DAP: variants seen among roughly 807,000 people sequenced by gnomAD.
The protein encoded by DAP is death associated protein.
DAP carries 8 observed loss-of-function variants against 13.8 expected under a neutral mutation model. The ratio of observed to expected loss-of-function variants is 0.58; its 90% CI spans 0.34 to 1.05. The LOEUF (loss-of-function observed/expected upper bound fraction) is 1.05, where lower values mean the gene tolerates loss of function less well. Ranked by LOEUF, DAP falls within the 50% of genes least tolerant of loss-of-function variation. The probability of loss-of-function intolerance (pLI) is 0.03; values close to 1 mark genes in which losing one functional copy is unlikely to be tolerated. For synonymous variants in DAP, 47 were observed against 47.5 expected (o/e 0.99, Z 0.04); for missense variants, 106 against 133.2 (o/e 0.80, Z 1.01).
chr5:10,694,737 C>G (rs149615681), intron 2 of DAP, among the ~76,000 whole-genome samples: 2 of 152,154 alleles, frequency 1.3e-5, no homozygotes. Flanking sequence ...TCTGCCCATA[C>G]AAAGTGAATG....
At chr5:10,759,722 A>G (rs1221865034) in intron 1 of DAP, among the ~76,000 whole-genome samples, 1 of 149,374 alleles carries the variant, frequency 6.7e-6, no homozygotes, top group Non-Finnish European at 1.5e-5. Flanking sequence ...AGCGGAGGAC[A>G]GCAGAGAAGG....
chr5:10,756,778 G>A (rs771131333), intron 1 of DAP, among the ~76,000 whole-genome samples: 23 of 152,228 alleles, frequency 1.5e-4, no homozygotes, highest in Non-Finnish European at 2.8e-4. Flanking sequence ...AAGACTGGCA[G>A]AAATGAGTAA....
At chr5:10,732,983 C>G (rs1156958285) in intron 2 of DAP, among the ~76,000 whole-genome samples, 6 of 152,124 alleles carry the variant, frequency 3.9e-5, no homozygotes, top group African/African-American at 1.2e-4. Context: ...CTGGTAAGCA[C>G]CATTCTAACT....
chr5:10,755,857 G>C (rs1406089802), intron 1 of DAP, among the ~76,000 whole-genome samples: 2 of 152,208 alleles, frequency 1.3e-5, no homozygotes, highest in East Asian at 1.9e-4. Context: ...ACCAAAAATG[G>C]CTAGGGAAGG....
intron 2 of DAP, among the ~76,000 whole-genome samples, chr5:10,731,743 T>C (rs920820884): frequency 2.6e-5 from 4 of 152,192 alleles, no homozygotes; most frequent in African/African-American, 9.7e-5. Context: ...GCTAGGGGGC[T>C]TCTGGCGAAG....
At chr5:10,737,219 G>A (rs1739633315) in intron 2 of DAP, among the ~76,000 whole-genome samples, 1 of 152,002 alleles carries the variant, frequency 6.6e-6, no homozygotes, top group African/African-American at 2.4e-5. Context: ...GTGGCATGTA[G>A]CCTGTAATCC....
chr5:10,756,180 C>T lies in DAP; in HGVS notation c.55+4834G>A, dbSNP rs560469264. On this transcript the variant is annotated intron_variant, in intron 1 of 3. Coordinates refer to ENST00000230895, the MANE Select transcript of DAP (RefSeq NM_004394.3). Reference sequence around the variant, plus strand: ...AAAAGGCTAGGGAAGAGGTGAAATGCCATGGGCCACCTTGACAGAAGGCTT... The same window carrying T: ...AAAAGGCTAGGGAAGAGGTGAAATGTCATGGGCCACCTTGACAGAAGGCTT... Among the ~76,000 whole-genome samples the T allele has an allele frequency of 4.7e-4, 57 of 120,354 alleles. 10 individuals carry two copies. The highest frequency in any genetic ancestry group is 4.5e-3 in the Middle Eastern group (1 of 222). 79.0% of individuals were successfully genotyped at this position (120,354 alleles called of 152,430 possible).
intron 2 of DAP, among the ~76,000 whole-genome samples, chr5:10,745,492 T>C (rs1739876680): frequency 6.6e-6 from 1 of 152,322 alleles, no homozygotes; most frequent in South Asian, 2.1e-4. Flanking sequence ...AACAAATCTT[T>C]AAGGTAAATA....
In DAP at chr5:10,758,344, T is replaced by TTGAGGGGTGCTGTTGGCATC. The variant is rs1410960810; in HGVS notation, c.55+2650_55+2669dup. On this transcript the variant is annotated intron_variant, in intron 1 of 3. Coordinates refer to ENST00000230895, the MANE Select transcript of DAP (RefSeq NM_004394.3). The stretch of plus-strand genomic sequence containing the variant: ...CTCTGTAACATCTAGGAAAGCGCAT[T>TTGAGGGGTGCTGTTGGCATC]TGAGGGGTGCTGTTGGCATCTGAGG... Among the ~76,000 whole-genome samples, 243 of 151,070 alleles carry TTGAGGGGTGCTGTTGGCATC rather than the reference T, an allele frequency of 1.6e-3. 2 individuals carry two copies. Among genetic ancestry groups the TTGAGGGGTGCTGTTGGCATC allele is most frequent in the African/African-American group, 5.5e-3 (226 of 40,776 alleles).
intron 2 of DAP, among the ~76,000 whole-genome samples, chr5:10,743,561 A>G (rs1322892698): frequency 6.6e-6 from 1 of 152,112 alleles, no homozygotes; most frequent in Non-Finnish European, 1.5e-5. Context: ...TTCCTTTTTA[A>G]TATCTTGTAC....
intron 2 of DAP, among the ~76,000 whole-genome samples, chr5:10,727,109 C>T (rs75620746): frequency 0.059 from 9,051 of 152,234 alleles, 305 homozygotes; most frequent in South Asian, 0.081. Flanking sequence ...TCTCCTTATA[C>T]GAACATTATT....
At chr5:10,730,739 T>C (rs1315631021) in intron 2 of DAP, among the ~76,000 whole-genome samples, 3 of 51,640 alleles carry the variant, frequency 5.8e-5, no homozygotes, top group African/African-American at 7.7e-5. Context: ...CTGAGAGCCC[T>C]GGTGGGGGGA....
Position 10,739,784 on chromosome 5 carries a change from A to ACACAC in DAP, c.152+8390_152+8391insGTGTG, listed in dbSNP as rs1561029940. Among the ~76,000 whole-genome samples, 416 of 76,142 alleles carry ACACAC rather than the reference A, an allele frequency of 5.5e-3. 1 individual carries two copies. Among genetic ancestry groups the ACACAC allele is most frequent in the African/African-American group, 0.023 (375 of 16,386 alleles). 50.0% of individuals were successfully genotyped at this position (76,142 alleles called of 152,430 possible). A position where few individuals can be genotyped will look rare whatever the true frequency, so the allele number is the denominator to read the frequency against. On this transcript the variant is annotated intron_variant, in intron 2 of 3. Coordinates refer to ENST00000230895, the MANE Select transcript of DAP (RefSeq NM_004394.3). ...CCGGTTCAACTATAAATACTAAATT[A>ACACAC]ACTCACACACACACACACACACACA...
intron 2 of DAP, among the ~76,000 whole-genome samples, chr5:10,730,468 T>C (rs1739415778): frequency 6.7e-6 from 1 of 149,748 alleles, no homozygotes; most frequent in Admixed American, 6.6e-5. Flanking sequence ...TTTTCTCTAC[T>C]GAGAACCCTG....
intron 2 of DAP, among the ~76,000 whole-genome samples, chr5:10,715,120 C>T (rs1579801094): frequency 6.6e-6 from 1 of 152,238 alleles, no homozygotes; most frequent in East Asian, 1.9e-4. Flanking sequence ...CTTAAATTTG[C>T]TTGTGTCCAA....
intron 2 of DAP, among the ~76,000 whole-genome samples, chr5:10,718,955 T>C (rs182765508): frequency 2.0e-5 from 3 of 152,368 alleles, no homozygotes; most frequent in Admixed American, 1.3e-4. Context: ...GATGACCTTA[T>C]GCTGATTGGA....
At chr5:10,730,396 G>A (rs1739411347) in intron 2 of DAP, among the ~76,000 whole-genome samples, 1 of 152,224 alleles carries the variant, frequency 6.6e-6, no homozygotes, top group African/African-American at 2.4e-5. Context: ...TACAAGAGTG[G>A]GGGACTGAGA....
At chr5:10,730,737 C>G (rs1242253863) in intron 2 of DAP, among the ~76,000 whole-genome samples, 1 of 111,658 alleles carries the variant, frequency 9.0e-6, no homozygotes, top group African/African-American at 3.6e-5. Context: ...TACTGAGAGC[C>G]CTGGTGGGGG....
At chr5:10,728,683 A>C (rs1739354406) in intron 2 of DAP, among the ~76,000 whole-genome samples, 2 of 152,214 alleles carry the variant, frequency 1.3e-5, no homozygotes, top group Non-Finnish European at 2.9e-5. Flanking sequence ...ACTAGGAAAA[A>C]CATGTCTTGC....
Sources: gnomAD v4.1 joint callset for allele counts (sites outside exome capture counted in the v4.1 genomes callset) on GRCh38, gnomAD v4.1.1 for gene constraint, MANE v1.5 for transcripts, NCBI Gene and HGNC (gene_info 2026-07-23, HGNC 2026-07-21) for gene names.